OLFM3: variants seen among roughly 807,000 people sequenced by gnomAD.
The protein encoded by OLFM3 is olfactomedin 3, also known as noelin-3.
Under a neutral mutation model 48.6 loss-of-function variants are expected in OLFM3, and 20 were observed. The ratio of observed to expected loss-of-function variants is 0.41; its 90% CI spans 0.29 to 0.60. The LOEUF (loss-of-function observed/expected upper bound fraction) is 0.60, where lower values mean the gene tolerates loss of function less well. OLFM3 is among the 20% of genes least tolerant of loss of function. The pLI is 0.28. For synonymous variants in OLFM3, 222 were observed against 198.1 expected (o/e 1.12, Z -1.01); for missense variants, 437 against 544.3 (o/e 0.80, Z 1.96).
At chr1:101,805,584 G>T (rs1340275869) in intron 5 of OLFM3, among the ~76,000 whole-genome samples, 1 of 151,782 alleles carries the variant, frequency 6.6e-6, no homozygotes, top group Non-Finnish European at 1.5e-5. Context: ...ATACCTCCCA[G>T]AAGTTTCAGC....
chr1:101,877,799 G>GA, intron 1 of OLFM3, among the ~76,000 whole-genome samples: 1 of 151,290 alleles, frequency 6.6e-6, no homozygotes, highest in East Asian at 1.9e-4. Flanking sequence ...CTTTAATGAA[G>GA]CATTTTTTTT....
chr1:101,947,222 G>A (rs1289163423), intron 1 of OLFM3, among the ~76,000 whole-genome samples: 3 of 151,996 alleles, frequency 2.0e-5, no homozygotes, highest in Non-Finnish European at 4.4e-5. Context: ...ACAATGCTTG[G>A]TTTGTTGCAA....
chr1:101,865,733 C>T (rs1320643446), intron 1 of OLFM3, among the ~76,000 whole-genome samples: 2 of 152,186 alleles, frequency 1.3e-5, no homozygotes, highest in African/African-American at 4.8e-5. Flanking sequence ...GTAGTGCTAT[C>T]ATTCAAAGTC....
chr1:101,886,634 G>A (rs557168341), intron 1 of OLFM3, among the ~76,000 whole-genome samples: 115 of 152,128 alleles, frequency 7.6e-4, no homozygotes, highest in African/African-American at 1.9e-3. Context: ...TAGTTAAGAC[G>A]ACTCCAGGTG....
At chr1:101,995,262 T>A (rs1021692623) in intron 1 of OLFM3, among the ~76,000 whole-genome samples, 2 of 152,138 alleles carry the variant, frequency 1.3e-5, no homozygotes, top group Admixed American at 6.5e-5. Flanking sequence ...TCATATGGAA[T>A]GTATTCAAAA....
chr1:101,909,101 C>T (rs1208095575), intron 1 of OLFM3, among the ~76,000 whole-genome samples: 2 of 152,168 alleles, frequency 1.3e-5, no homozygotes, highest in Non-Finnish European at 1.5e-5. Flanking sequence ...TTTCCTGTCT[C>T]CACTCAGTTA....
chr1:101,839,249 T>C (rs866061606), intron 1 of OLFM3, among the ~76,000 whole-genome samples: 1 of 152,230 alleles, frequency 6.6e-6, no homozygotes, highest in South Asian at 2.1e-4. Flanking sequence ...CTAGCTCTTA[T>C]GCTTGAATAT....
At chr1:101,891,351 T>G (rs1467618294) in intron 1 of OLFM3, among the ~76,000 whole-genome samples, 1 of 151,962 alleles carries the variant, frequency 6.6e-6, no homozygotes, top group Non-Finnish European at 1.5e-5. Flanking sequence ...AAAGAAATAA[T>G]AGCGTACTTT....
chr1:101,901,041 T>C (rs899107625), intron 1 of OLFM3, among the ~76,000 whole-genome samples: 1 of 152,100 alleles, frequency 6.6e-6, no homozygotes, highest in Non-Finnish European at 1.5e-5. Context: ...ATTTCAATAA[T>C]ATAATTTATT....
intron 4 of OLFM3, among the ~76,000 whole-genome samples, chr1:101,816,577 G>T (rs1654348134): frequency 6.6e-6 from 1 of 152,144 alleles, no homozygotes; most frequent in Non-Finnish European, 1.5e-5. Flanking sequence ...TGAGGCATGA[G>T]TTAGGAAGCC....
intron 1 of OLFM3, among the ~76,000 whole-genome samples, chr1:101,966,754 C>T (rs536123505): frequency 1.8e-4 from 18 of 101,546 alleles, no homozygotes; most frequent in African/African-American, 6.2e-4. Context: ...CCTGGCTTGG[C>T]GTTCTCCTTT....
At chr1:101,831,283 T>C (rs1655136889) in intron 2 of OLFM3, among the ~76,000 whole-genome samples, 1 of 152,192 alleles carries the variant, frequency 6.6e-6, no homozygotes, top group Non-Finnish European at 1.5e-5. Context: ...TCTAGCTCAG[T>C]AAGTTCTTAA....
intron 5 of OLFM3, among the ~76,000 whole-genome samples, chr1:101,805,873 G>C (rs1051891229): frequency 2.0e-5 from 3 of 151,720 alleles, no homozygotes; most frequent in Non-Finnish European, 4.4e-5. Context: ...CTAAAGTGAT[G>C]AATTGGAAGA....
rs55766537 is a variant in OLFM3, at chr1:101,918,563, C to CTT, written c.69+78183_69+78184dup. Among the ~76,000 whole-genome samples the CTT allele has an allele frequency of 6.8e-3, 968 of 142,734 alleles. 11 individuals carry two copies. Among genetic ancestry groups the CTT allele is most frequent in the Middle Eastern group, 0.015 (4 of 268 alleles). 93.6% of individuals were successfully genotyped at this position (142,734 alleles called of 152,430 possible). ...TCTCTCACTCTGACTCTCCTTCCTCCTTTTTTTTTTTTTAACTTATAAGGT... is the reference window on the plus strand; with the variant it reads ...TCTCTCACTCTGACTCTCCTTCCTCCTTTTTTTTTTTTTTTAACTTATAAGGT... On this transcript the variant is annotated intron_variant, in intron 1 of 5. Coordinates refer to ENST00000370103, the MANE Select transcript of OLFM3 (RefSeq NM_058170.4).
Position 101,972,363 on chromosome 1 carries a change from A to C in OLFM3, c.69+24385T>G, listed in dbSNP as rs1660828952. ...TTTTTCATACATTTCAGTGGCAAAA[A>C]CTGAAAATTAGTGCATTGATCATAA... is the stretch of plus-strand genomic sequence containing the variant. On this transcript the variant is annotated intron_variant, in intron 1 of 5. Transcript: ENST00000370103. Among the ~76,000 whole-genome samples the C allele has an allele frequency of 5.9e-5, 9 of 152,218 alleles. No individual in the cohort carries two copies. The South Asian group carries it at 1.9e-3, about 31-fold the overall frequency.
intron 1 of OLFM3, among the ~76,000 whole-genome samples, chr1:101,918,663 A>G (rs1659001741): frequency 6.6e-6 from 1 of 151,650 alleles, no homozygotes; most frequent in Non-Finnish European, 1.5e-5. Flanking sequence ...ACTTAGTCAC[A>G]GCTGCAAAGT....
chr1:101,814,493 A>G (rs968175547), intron 4 of OLFM3, among the ~76,000 whole-genome samples: 1 of 152,204 alleles, frequency 6.6e-6, no homozygotes, highest in African/African-American at 2.4e-5. Flanking sequence ...GCTACTTGAT[A>G]TTGGGAGGGT....
intron 4 of OLFM3, among the ~76,000 whole-genome samples, chr1:101,812,174 G>A (rs893341422): frequency 7.2e-5 from 11 of 151,914 alleles, no homozygotes; most frequent in South Asian, 2.1e-4. Context: ...ATCACACACC[G>A]GGGCCTTTCA....
intron 1 of OLFM3, among the ~76,000 whole-genome samples, chr1:101,935,994 T>A (rs886238879): frequency 2.6e-5 from 4 of 152,114 alleles, no homozygotes; most frequent in African/African-American, 4.8e-5. Context: ...GAACCATCTA[T>A]GACAAACCCA....
Sources: allele counts gnomAD v4.1 joint callset (sites outside exome capture counted in the v4.1 genomes callset), GRCh38; gene constraint gnomAD v4.1.1; transcripts MANE v1.5; gene names NCBI Gene and HGNC (gene_info 2026-07-23, HGNC 2026-07-21).